The following CEP85L variants were observed in gnomAD, a reference collection of about 807,000 sequenced individuals.
CEP85L encodes the protein centrosomal protein 85L, also known as centrosomal protein of 85 kDa-like.
A neutral mutation model predicts 100.3 loss-of-function variants in CEP85L; 60 were observed. The ratio of observed to expected loss-of-function variants is 0.60; its 90% CI spans 0.49 to 0.74. The LOEUF (loss-of-function observed/expected upper bound fraction) is 0.74. Among genes scored for constraint, CEP85L ranks in the 30% least tolerant of loss-of-function variants. The pLI is 0.00. For missense variants in CEP85L, 973 were observed against 936.2 expected (o/e 1.04, Z -0.51); for synonymous variants, 319 against 322.7 (o/e 0.99, Z 0.12).
At chr6:118,596,777 G>A (rs780202882) in intron 2 of CEP85L, among the ~76,000 whole-genome samples, 12 of 152,004 alleles carry the variant, frequency 7.9e-5, no homozygotes, top group South Asian at 6.2e-4. Flanking sequence ...CAGAAGTCTC[G>A]ATTTCCTGTT....
chr6:118,522,442 C>T (rs1776721695), intron 4 of CEP85L, among the ~76,000 whole-genome samples: 1 of 152,164 alleles, frequency 6.6e-6, no homozygotes, highest in Non-Finnish European at 1.5e-5. Context: ...TCGTATATAA[C>T]ATTCACTTGT....
At chr6:118,587,511 C>G (rs1361384910) in intron 2 of CEP85L, among the ~76,000 whole-genome samples, 1 of 152,168 alleles carries the variant, frequency 6.6e-6, no homozygotes, top group Non-Finnish European at 1.5e-5. Flanking sequence ...CTTTCAGAAA[C>G]TAGTCTCCTT....
chr6:118,659,866 C>T (rs6928957), intron 1 of CEP85L, among the ~76,000 whole-genome samples: 103,131 of 152,144 alleles, frequency 0.68, 35,648 homozygotes, highest in Middle Eastern at 0.74. Flanking sequence ...CTGGGCCTGC[C>T]GCCGTCCTAA....
intron 10 of CEP85L, among the ~76,000 whole-genome samples, chr6:118,471,767 G>GAAAAAA (rs144782109): frequency 7.3e-6 from 1 of 136,564 alleles, no homozygotes; most frequent in Non-Finnish European, 1.6e-5. Context: ...CCACAAAAAT[G>GAAAAAA]AAAAAAAAAA....
intron 6 of CEP85L, among the ~76,000 whole-genome samples, chr6:118,485,271 C>T (rs1774096203): frequency 6.6e-6 from 1 of 152,166 alleles, no homozygotes; most frequent in South Asian, 2.1e-4. Flanking sequence ...CCCATATTCA[C>T]TGGGAAAATA....
chr6:118,614,865 C>CAGACAGACAGATAGATAGAT (rs781072805), intron 2 of CEP85L, among the ~76,000 whole-genome samples: 61 of 149,974 alleles, frequency 4.1e-4, no homozygotes, highest in Middle Eastern at 6.9e-3. Flanking sequence ...GACAGACAGA[C>CAGACAGACAGATAGATAGAT]AGATAGATAG....
intron 2 of CEP85L, among the ~76,000 whole-genome samples, chr6:118,572,394 GA>G (rs960722274): frequency 1.3e-5 from 2 of 149,838 alleles, no homozygotes; most frequent in Non-Finnish European, 3.0e-5. Context: ...TCTCTACTTA[GA>G]AAAAAACAAA....
rs552599343 is a variant in CEP85L at position 118,507,387 on chromosome 6, C to A, written c.1257+3911G>T. On this transcript the variant is annotated intron_variant, in intron 5 of 12. Transcript: ENST00000368491. ...CATAACTTTTGGACTATTGAGACAG[C>A]TTCCTGACTGGTTTCCCTGCCTCCA... is the stretch of plus-strand genomic sequence containing the variant. 3.9e-5 allele frequency among the ~76,000 whole-genome samples: 6 copies of A among 152,278 alleles called. No homozygotes were observed. The South Asian group carries it at 8.3e-4, about 21-fold the overall frequency.
chr6:118,687,902 G>C (rs62423964), intron 1 of CEP85L, among the ~76,000 whole-genome samples: 33,755 of 151,942 alleles, frequency 0.22, 4,779 homozygotes, highest in Non-Finnish European at 0.32. Context: ...GGCTGAGTGC[G>C]TGTGTTCATC....
In CEP85L at chr6:118,465,192, T is replaced by C. The variant is rs190724969; in HGVS notation, c.*213A>G. On this transcript the variant is annotated 3_prime_UTR_variant, in exon 13 of 13. Coordinates refer to ENST00000368491, the MANE Select transcript of CEP85L (RefSeq NM_001042475.3). ...ATTTTTTTCCTTGTAGATTTTATCA[T>C]ATTTTCCAAAGGTAATTTGATTTTT... 1.1e-5 allele frequency: 5 copies of C among 474,764 alleles called. No homozygotes were observed. The East Asian group carries it at 1.4e-4, about 13-fold the overall frequency. The allele number at this position is 474,764 out of a possible 1,614,324, so 29.4% of individuals were successfully genotyped here.
chr6:118,660,918 C>T (rs1775952610), intron 1 of CEP85L, among the ~76,000 whole-genome samples: 1 of 151,380 alleles, frequency 6.6e-6, no homozygotes, highest in East Asian at 1.9e-4. Context: ...CGGAGTCTCG[C>T]ACTGTCGCCT....
At chr6:118,612,260 A>T (rs1473969356) in intron 2 of CEP85L, among the ~76,000 whole-genome samples, 8 of 129,112 alleles carry the variant, frequency 6.2e-5, no homozygotes, top group Non-Finnish European at 1.0e-4. Flanking sequence ...TAAGGCAAAT[A>T]AAAAAAAAAA....
chr6:118,527,360 C>T (rs1463914294), intron 3 of CEP85L, among the ~76,000 whole-genome samples: 1 of 152,070 alleles, frequency 6.6e-6, no homozygotes, highest in African/African-American at 2.4e-5. Flanking sequence ...TTTTCCTTCC[C>T]GCACAAAGCC....
rs1037895185 is a variant in CEP85L at position 118,537,980 on chromosome 6, T to C, written c.1021-14060A>G. The C allele has an allele frequency of 1.3e-5, 11 of 815,614 alleles. No homozygotes were observed. The African/African-American group carries it at 1.9e-4, about 14-fold the overall frequency. The allele number at this position is 815,614 out of a possible 1,614,324, so 50.5% of individuals were successfully genotyped here. On this transcript the variant is annotated intron_variant, in intron 3 of 12. Coordinates refer to ENST00000368491, the MANE Select transcript of CEP85L (RefSeq NM_001042475.3). ...TAAATAAATTCACAAAGCTCAGTAATGAAGATGAAAATAATACAAATAACA... is the reference window on the plus strand; with the variant it reads ...TAAATAAATTCACAAAGCTCAGTAACGAAGATGAAAATAATACAAATAACA...
chr6:118,594,189 T>C (rs971767977), intron 2 of CEP85L, among the ~76,000 whole-genome samples: 1 of 152,240 alleles, frequency 6.6e-6, no homozygotes, highest in African/African-American at 2.4e-5. Context: ...ATTCAATTAA[T>C]ATTGGCTAAA....
chr6:118,596,048 A>T (rs1781443630), intron 2 of CEP85L, among the ~76,000 whole-genome samples: 1 of 152,188 alleles, frequency 6.6e-6, no homozygotes, highest in South Asian at 2.1e-4. Context: ...TGGGTGTTGT[A>T]ATAAAAGGAG....
At chr6:118,670,496 A>C (rs1410362552) in intron 1 of CEP85L, among the ~76,000 whole-genome samples, 1 of 151,164 alleles carries the variant, frequency 6.6e-6, no homozygotes, top group Non-Finnish European at 1.5e-5. Context: ...TTTAGCTCCC[A>C]CTTATAAGTG....
intron 2 of CEP85L, among the ~76,000 whole-genome samples, chr6:118,606,791 AAAC>A (rs1772254361): frequency 6.6e-6 from 1 of 152,242 alleles, no homozygotes; most frequent in East Asian, 1.9e-4. Flanking sequence ...CAACACAGAA[AAAC>A]AAATTCATAG....
chr6:118,691,611 C>T (rs1418981870), intron 1 of CEP85L, among the ~76,000 whole-genome samples: 3 of 147,022 alleles, frequency 2.0e-5, no homozygotes, highest in African/African-American at 7.6e-5. Context: ...GGCAGGCAGG[C>T]GCCTGTAATC....
Sources: gnomAD v4.1 joint callset for allele counts (sites outside exome capture counted in the v4.1 genomes callset) on GRCh38, gnomAD v4.1.1 for gene constraint, MANE v1.5 for transcripts, NCBI Gene and HGNC (gene_info 2026-07-23, HGNC 2026-07-21) for gene names.